CHN2: variants seen among roughly 807,000 people sequenced by gnomAD.
CHN2 encodes the protein beta-chimaerin.
Under a neutral mutation model 56.3 loss-of-function variants are expected in CHN2, and 35 were observed. That is an observed-to-expected ratio of 0.62 (90% CI 0.47 to 0.82). The LOEUF (loss-of-function observed/expected upper bound fraction) is 0.82, where lower values mean the gene tolerates loss of function less well. CHN2 is among the 40% of genes least tolerant of loss of function. The pLI is 0.00. For missense variants in CHN2, 491 were observed against 580.5 expected (o/e 0.85, Z 1.58); for synonymous variants, 210 against 212.8 (o/e 0.99, Z 0.12).
chr7:29,423,811 G>A (rs1804579771), intron 6 of CHN2, among the ~76,000 whole-genome samples: 2 of 152,158 alleles, frequency 1.3e-5, no homozygotes, highest in Non-Finnish European at 2.9e-5. Flanking sequence ...ATCTCTCTGT[G>A]CCAGAATCCA....
intron 6 of CHN2, among the ~76,000 whole-genome samples, chr7:29,452,463 A>C (rs1784470815): frequency 6.6e-6 from 1 of 152,190 alleles, no homozygotes; most frequent in South Asian, 2.1e-4. Flanking sequence ...CCTGTAGTAC[A>C]CCTGCAGTAT....
chr7:29,485,255 G>T (rs574636806), intron 7 of CHN2, among the ~76,000 whole-genome samples: 2 of 152,142 alleles, frequency 1.3e-5, no homozygotes, highest in African/African-American at 2.4e-5. Context: ...TGCAGGACTG[G>T]GCAGGTAATG....
At chr7:29,239,767 G>A (rs112737806) in intron 1 of CHN2, among the ~76,000 whole-genome samples, 28 of 152,190 alleles carry the variant, frequency 1.8e-4, no homozygotes, top group African/African-American at 6.0e-4. Context: ...CCTCTGCATA[G>A]TGCTCAGAGA....
chr7:29,259,594 G>A (rs1190082722), intron 1 of CHN2, among the ~76,000 whole-genome samples: 1 of 152,116 alleles, frequency 6.6e-6, no homozygotes, highest in Non-Finnish European at 1.5e-5. Context: ...GCAAAAAGAA[G>A]TTGGTACAAA....
chr7:29,483,844 A>G (rs1367135817), intron 7 of CHN2: 15 of 1,289,530 alleles, frequency 1.2e-5, no homozygotes, highest in South Asian at 2.6e-5. Context: ...TAGCCCGCAT[A>G]GTACTCCTGG....
At chr7:29,473,482 T>TTTG (rs539151442) in intron 6 of CHN2, among the ~76,000 whole-genome samples, 12 of 118,196 alleles carry the variant, frequency 1.0e-4, no homozygotes, top group African/African-American at 2.0e-4. Flanking sequence ...TTTTTTTTTT[T>TTTG]TGTGTGTGTG....
chr7:29,160,119 G>T (rs1390568678), intron 2 of CHN2, among the ~76,000 whole-genome samples: 1 of 152,120 alleles, frequency 6.6e-6, no homozygotes, highest in Non-Finnish European at 1.5e-5. Flanking sequence ...ACTTTCCTAA[G>T]ATCAACATGG....
intron 2 of CHN2, among the ~76,000 whole-genome samples, chr7:29,360,125 A>G (rs1798610966): frequency 6.6e-6 from 1 of 152,220 alleles, no homozygotes; most frequent in Admixed American, 6.5e-5. Context: ...GGTTTCTCTT[A>G]TACATACTTA....
intron 2 of CHN2, among the ~76,000 whole-genome samples, chr7:29,167,077 C>G (rs145291328): frequency 6.6e-6 from 1 of 151,962 alleles, no homozygotes; most frequent in African/African-American, 2.4e-5. Flanking sequence ...AACAACTTGA[C>G]GAAAAGAATA....
chr7:29,469,497 C>T (rs1212724570), intron 6 of CHN2, among the ~76,000 whole-genome samples: 1 of 152,196 alleles, frequency 6.6e-6, no homozygotes, highest in Non-Finnish European at 1.5e-5. Flanking sequence ...TAGCACCTAC[C>T]ACTCTAGCTG....
intron 6 of CHN2, among the ~76,000 whole-genome samples, chr7:29,454,000 T>C (rs1341288857): frequency 2.0e-5 from 3 of 152,156 alleles, no homozygotes; most frequent in African/African-American, 4.8e-5. Flanking sequence ...AATGGCCCAG[T>C]GGGTGCCAAC....
chr7:29,411,097 C>A (rs569598866), intron 6 of CHN2, among the ~76,000 whole-genome samples: 1 of 152,262 alleles, frequency 6.6e-6, no homozygotes, highest in South Asian at 2.1e-4. Flanking sequence ...CAACTACACA[C>A]CAAGTACACA....
chr7:29,387,791 G>A (rs921663452), intron 3 of CHN2, among the ~76,000 whole-genome samples: 3 of 152,202 alleles, frequency 2.0e-5, no homozygotes, highest in South Asian at 2.1e-4. Context: ...GACCCTAGGA[G>A]CACTACCAAC....
At chr7:29,202,464 G>C (rs545450436) in intron 1 of CHN2, among the ~76,000 whole-genome samples, 2 of 152,188 alleles carry the variant, frequency 1.3e-5, no homozygotes, top group African/African-American at 4.8e-5. Context: ...CCATCCTCAA[G>C]TGCAACAAAA....
At chr7:29,435,333 T>A (rs894024718) in intron 6 of CHN2, among the ~76,000 whole-genome samples, 2 of 152,206 alleles carry the variant, frequency 1.3e-5, no homozygotes, top group Non-Finnish European at 2.9e-5. Context: ...AATACTTGGG[T>A]CCCAGCTCAG....
chr7:29,214,017 G>T (rs1250036824), intron 1 of CHN2, among the ~76,000 whole-genome samples: 1 of 152,206 alleles, frequency 6.6e-6, no homozygotes, highest in Non-Finnish European at 1.5e-5. Flanking sequence ...TGACCTTAAT[G>T]AAATGAAGCC....
intron 6 of CHN2, among the ~76,000 whole-genome samples, chr7:29,427,957 T>C (rs1330223996): frequency 6.6e-6 from 1 of 152,058 alleles, no homozygotes; most frequent in Non-Finnish European, 1.5e-5. Flanking sequence ...ATCCGGCCAT[T>C]TTTTATTCAT....
At chr7:29,370,004 C>A (rs1799480448) in intron 3 of CHN2, among the ~76,000 whole-genome samples, 1 of 152,194 alleles carries the variant, frequency 6.6e-6, no homozygotes, top group Non-Finnish European at 1.5e-5. Context: ...TTCATCAGCT[C>A]CCTTTCCTCA....
chr7:29,479,532 G>A (rs1786901916), intron 6 of CHN2: 1 of 398,098 alleles, frequency 2.5e-6, no homozygotes, highest in Non-Finnish European at 3.4e-6. Context: ...AAGCTTTCAA[G>A]TGCTAAGGCA....
Sources: gnomAD v4.1 joint callset for allele counts (sites outside exome capture counted in the v4.1 genomes callset) on GRCh38, gnomAD v4.1.1 for gene constraint, MANE v1.5 for transcripts, NCBI Gene and HGNC (gene_info 2026-07-23, HGNC 2026-07-21) for gene names.